Variants in COL23A1 observed in about 807,000 individuals in gnomAD.
COL23A1 encodes the protein collagen alpha-1(XXIII) chain.
A neutral mutation model predicts 99.3 loss-of-function variants in COL23A1; 97 were observed. The ratio of observed to expected loss-of-function variants is 0.98; its 90% CI spans 0.83 to 1.16. The LOEUF is 1.16. COL23A1 is among the 50% of genes most tolerant of loss of function. The pLI is 0.00. For missense variants in COL23A1, 762 were observed against 757.4 expected, an observed-to-expected ratio of 1.01 and a Z score of -0.07; for synonymous variants, 320 against 308.2, an observed-to-expected ratio of 1.04 and a Z score of -0.40.
rs189732649 is a variant in COL23A1 at position 178,269,750 on chromosome 5, A to G, written c.468+587T>C. Among the ~76,000 whole-genome samples, 3 of 143,248 alleles carry G rather than the reference A, an allele frequency of 2.1e-5. No individual in the cohort carries two copies. In the East Asian group the frequency reaches 6.7e-4, roughly 32 times the overall value. 94.0% of individuals were successfully genotyped at this position (143,248 alleles called of 152,430 possible). ...CCATCCACCCACCTACCCATCCACT[A>G]TCCATCCAACCACCCACCAATCCAT... is the stretch of plus-strand genomic sequence containing the variant. On this transcript the variant is annotated intron_variant, in intron 6 of 28. Coordinates refer to ENST00000390654, the MANE Select transcript of COL23A1 (RefSeq NM_173465.4).
intron 2 of COL23A1, among the ~76,000 whole-genome samples, chr5:178,441,515 C>T (rs1453032542): frequency 2.0e-5 from 3 of 152,070 alleles, no homozygotes; most frequent in East Asian, 1.9e-4. Context: ...CCTCTCGGTA[C>T]AGGCGCACAG....
At chr5:178,420,436 C>CTCCTTT (rs1765556433) in intron 2 of COL23A1, among the ~76,000 whole-genome samples, 1 of 58,362 alleles carries the variant, frequency 1.7e-5, no homozygotes, top group Non-Finnish European at 3.1e-5. Context: ...CCCTCCCCCG[C>CTCCTTT]TCTTTCCTCC....
chr5:178,497,107 T>C (rs560049381), intron 2 of COL23A1, among the ~76,000 whole-genome samples: 59 of 152,226 alleles, frequency 3.9e-4, no homozygotes, highest in African/African-American at 1.3e-3. Flanking sequence ...GTTCTGTGGA[T>C]AGGAAACACT....
At chr5:178,450,451 G>A (rs944952637) in intron 2 of COL23A1, among the ~76,000 whole-genome samples, 1 of 152,154 alleles carries the variant, frequency 6.6e-6, no homozygotes, top group African/African-American at 2.4e-5. Flanking sequence ...AGTAGGAGCT[G>A]GAGCAGCCAG....
chr5:178,498,362 C>G (rs1758347094), intron 2 of COL23A1, among the ~76,000 whole-genome samples: 1 of 150,516 alleles, frequency 6.6e-6, no homozygotes, highest in South Asian at 2.1e-4. Flanking sequence ...AACACAAATA[C>G]TAGAAGCCAG....
chr5:178,287,903 T>A (rs1311922398), intron 5 of COL23A1, among the ~76,000 whole-genome samples: 7 of 152,206 alleles, frequency 4.6e-5, no homozygotes, highest in Admixed American at 2.6e-4. Flanking sequence ...TGCCAAGGGA[T>A]GACACCACAG....
intron 2 of COL23A1, among the ~76,000 whole-genome samples, chr5:178,488,620 G>T (rs956846053): frequency 6.6e-6 from 1 of 151,138 alleles, no homozygotes; most frequent in East Asian, 1.9e-4. Flanking sequence ...ACAGCAGGCC[G>T]CCACTTTATA....
intron 2 of COL23A1, among the ~76,000 whole-genome samples, chr5:178,334,307 C>T (rs1760200433): frequency 6.6e-6 from 1 of 152,236 alleles, no homozygotes; most frequent in African/African-American, 2.4e-5. Context: ...TGAGATCAGT[C>T]TCATGACGTG....
rs1275525579 is a variant in COL23A1, at chr5:178,309,058, G to C, written c.362-2139C>G. On this transcript the variant is annotated intron_variant, in intron 2 of 28. Transcript: ENST00000390654. This position sits in a 1 kb window ranked among gnomAD's most constrained non-coding sequence, Gnocchi z 4.7. ...AGGGGGCATGGCAGGAAAGGGGCCA[G>C]GAATGGGGGAAGTAGCCAGACTCTG... Among the ~76,000 whole-genome samples the C allele has an allele frequency of 2.0e-5, 3 of 152,210 alleles. No homozygotes were observed. The highest frequency in any genetic ancestry group is 2.9e-5 in the Non-Finnish European group (2 of 68,030).
At chr5:178,272,803 T>C (rs569610655) in intron 5 of COL23A1, among the ~76,000 whole-genome samples, 9 of 151,704 alleles carry the variant, frequency 5.9e-5, no homozygotes, top group Admixed American at 1.3e-4. Context: ...CCACTAGGCA[T>C]CCCCACCTTG....
Position 178,434,370 on chromosome 5 carries a change from A to G in COL23A1, c.361+126312T>C, listed in dbSNP as rs1766433868. ...AGATGCAGCAACCACACATGGTCCC[A>G]CCAGGACAGCGCCCCTGCAGCACGG... On this transcript the variant is annotated intron_variant, in intron 2 of 28. Transcript: ENST00000390654. This position sits in a 1 kb window ranked among gnomAD's most constrained non-coding sequence, Gnocchi z 4.3. Among the ~76,000 whole-genome samples the G allele has an allele frequency of 6.6e-6, 1 of 152,214 alleles. No homozygotes were observed. Among genetic ancestry groups the G allele is most frequent in the South Asian group, 2.1e-4 (1 of 4,834 alleles).
At chr5:178,443,626 A>AT (rs11441050) in intron 2 of COL23A1, among the ~76,000 whole-genome samples, 51,725 of 145,178 alleles carry the variant, frequency 0.36, 14,020 homozygotes, top group African/African-American at 0.77. Flanking sequence ...ATGCCCAGCT[A>AT]TTTTTTTTTT....
intron 1 of COL23A1, chr5:178,562,767 T>G (rs961316134): frequency 6.7e-6 from 1 of 149,350 alleles, no homozygotes; most frequent in Non-Finnish European, 1.5e-5. Context: ...TTCCGTTATT[T>G]GTCCCCGCCC....
At position 178,384,436 on chromosome 5, in the gene COL23A1, T is replaced by C. The variant is rs1763557716; in HGVS notation, c.362-77517A>G. ...CCGGGTAGTAAACCAGGCTTCGGCT[T>C]TCCAAGCCAGACCTCTCCTCCCTGC... is the stretch of plus-strand genomic sequence containing the variant. On this transcript the variant is annotated intron_variant, in intron 2 of 28. Coordinates refer to ENST00000390654, the MANE Select transcript of COL23A1 (RefSeq NM_173465.4). The surrounding 1 kb of genome is among the most constrained non-coding windows in gnomAD (Gnocchi z 5.5). Among the ~76,000 whole-genome samples, 1 of 152,218 alleles carries C rather than the reference T, an allele frequency of 6.6e-6. No individual in the cohort carries two copies. Among genetic ancestry groups the C allele is most frequent in the Admixed American group, 6.5e-5 (1 of 15,282 alleles).
chr5:178,285,505 T>C (rs1757104274), intron 5 of COL23A1, among the ~76,000 whole-genome samples: 2 of 152,260 alleles, frequency 1.3e-5, no homozygotes, highest in Admixed American at 1.3e-4. Flanking sequence ...TAGGTTAGAA[T>C]GATTTCTGAA....
chr5:178,258,239 AT>A (rs1765420296), intron 12 of COL23A1, among the ~76,000 whole-genome samples: 3 of 97,404 alleles, frequency 3.1e-5, no homozygotes, highest in Non-Finnish European at 2.5e-5. Flanking sequence ...GTCTTAAAAT[AT>A]ATATATATAT....
At position 178,310,915 on chromosome 5, in the gene COL23A1, C is replaced by T. The variant is rs1156881373; in HGVS notation, c.362-3996G>A. ...TGAGACTCAGACACTCAGGAAGGCA[C>T]TGGGAGTCTGTCTTGATTGATCTGC... is the stretch of plus-strand genomic sequence containing the variant. On this transcript the variant is annotated intron_variant, in intron 2 of 28. Coordinates refer to ENST00000390654, the MANE Select transcript of COL23A1 (RefSeq NM_173465.4). The surrounding 1 kb of genome is among the most constrained non-coding windows in gnomAD (Gnocchi z 4.3). Among the ~76,000 whole-genome samples the T allele has an allele frequency of 6.6e-6, 1 of 152,142 alleles. No homozygotes were observed. Among genetic ancestry groups the T allele is most frequent in the Non-Finnish European group, 1.5e-5 (1 of 68,028 alleles).
intron 7 of COL23A1, among the ~76,000 whole-genome samples, chr5:178,267,895 C>T (rs1755993342): frequency 2.0e-5 from 3 of 152,194 alleles, no homozygotes; most frequent in Admixed American, 2.0e-4. Context: ...CCTGTGGCTC[C>T]GTGAGATTGG....
rs1166359202 is a variant in COL23A1 at position 178,281,918 on chromosome 5, G to T, written c.441+6406C>A. 6.6e-6 allele frequency among the ~76,000 whole-genome samples: 1 copy of T among 151,778 alleles called. No individual in the cohort carries two copies. The highest frequency in any genetic ancestry group is 1.5e-5 in the Non-Finnish European group (1 of 67,982). On this transcript the variant is annotated intron_variant, in intron 5 of 28. Coordinates refer to ENST00000390654, the MANE Select transcript of COL23A1 (RefSeq NM_173465.4). The surrounding 1 kb of genome is among the most constrained non-coding windows in gnomAD (Gnocchi z 4.0). ...CACAAAAAAATCAGCCAGGCGTGGT[G>T]GTGCGTACCTGTAATCCTAGCTACT...
Sources: gnomAD v4.1 joint callset for allele counts (sites outside exome capture counted in the v4.1 genomes callset) on GRCh38, gnomAD v4.1.1 for gene constraint, Gnocchi (gnomAD v3.1) non-coding constraint, MANE v1.5 for transcripts, NCBI Gene and HGNC (gene_info 2026-07-23, HGNC 2026-07-21) for gene names.